Variants in RALYL observed in about 807,000 individuals in gnomAD.
RALYL encodes RALY RNA binding protein like.
RALYL carries 29 observed loss-of-function variants against 35.1 expected under a neutral mutation model. The observed-to-expected ratio is 0.83, with a 90% CI of 0.61 to 1.13. The LOEUF (loss-of-function observed/expected upper bound fraction) is 1.13, where lower values mean the gene tolerates loss of function less well. Ranked by LOEUF, RALYL falls within the 50% of genes most tolerant of loss-of-function variation. The probability of loss-of-function intolerance (pLI) is 0.00; values close to 1 mark genes in which losing one functional copy is unlikely to be tolerated. For synonymous variants in RALYL, 120 were observed against 127.6 expected, an observed-to-expected ratio of 0.94 and a Z score of 0.40; for missense variants, 359 against 360.4, an observed-to-expected ratio of 1.00 and a Z score of 0.03.
At chr8:84,255,655 A>T (rs1373319667) in intron 1 of RALYL, among the ~76,000 whole-genome samples, 1 of 152,038 alleles carries the variant, frequency 6.6e-6, no homozygotes, top group East Asian at 1.9e-4. Context: ...TGCCCTGTTT[A>T]TCTTTCTATT....
intron 2 of RALYL, among the ~76,000 whole-genome samples, chr8:84,685,766 CA>C (rs1836635857): frequency 6.6e-6 from 1 of 152,040 alleles, no homozygotes; most frequent in East Asian, 1.9e-4. Flanking sequence ...ATGAAAATGA[CA>C]ATGTTTGTGT....
At chr8:84,184,810 G>T (rs968277669) in intron 1 of RALYL, 28 of 635,648 alleles carry the variant, frequency 4.4e-5, no homozygotes, top group Non-Finnish European at 1.4e-5. Context: ...GGCCGTGTAC[G>T]TGGCGCTGGC....
intron 3 of RALYL, among the ~76,000 whole-genome samples, chr8:84,777,252 T>G (rs1817052367): frequency 6.6e-6 from 1 of 152,182 alleles, no homozygotes; most frequent in Admixed American, 6.5e-5. Context: ...ACCACTAGAT[T>G]ATAGCTCCCT....
At chr8:84,228,063 A>T (rs1400673679) in intron 1 of RALYL, among the ~76,000 whole-genome samples, 2 of 151,936 alleles carry the variant, frequency 1.3e-5, no homozygotes, top group Non-Finnish European at 2.9e-5. Flanking sequence ...TAAGGGAGTG[A>T]ATTGAAGAGA....
chr8:84,857,527 C>A (rs1837295605), intron 5 of RALYL, among the ~76,000 whole-genome samples: 1 of 152,090 alleles, frequency 6.6e-6, no homozygotes, highest in Non-Finnish European at 1.5e-5. Flanking sequence ...TTTTCAGTTT[C>A]TTTTCTTGTG....
intron 1 of RALYL, among the ~76,000 whole-genome samples, chr8:84,200,718 C>T (rs914946749): frequency 2.0e-5 from 3 of 151,960 alleles, no homozygotes; most frequent in African/African-American, 7.2e-5. Context: ...GTTTCTTGGG[C>T]TATTTTGCAA....
At chr8:84,329,577 T>G (rs1846436049) in intron 1 of RALYL, among the ~76,000 whole-genome samples, 1 of 152,150 alleles carries the variant, frequency 6.6e-6, no homozygotes, top group Non-Finnish European at 1.5e-5. Flanking sequence ...ATTGATAGTT[T>G]CTTTTGCTGT....
intron 2 of RALYL, among the ~76,000 whole-genome samples, chr8:84,728,809 G>C (rs1437665783): frequency 6.6e-6 from 1 of 152,042 alleles, no homozygotes; most frequent in Non-Finnish European, 1.5e-5. Flanking sequence ...ATTTCTGAGG[G>C]CTCTGTTCTG....
At chr8:84,461,637 G>A (rs941632174) in intron 1 of RALYL, among the ~76,000 whole-genome samples, 25 of 151,690 alleles carry the variant, frequency 1.6e-4, no homozygotes, top group Admixed American at 1.6e-3. Context: ...TCTATTAAAT[G>A]TATGGTCATG....
chr8:84,805,408 G>T (rs1824352376), intron 4 of RALYL, among the ~76,000 whole-genome samples: 1 of 152,076 alleles, frequency 6.6e-6, no homozygotes, highest in African/African-American at 2.4e-5. Context: ...TATATTGTTG[G>T]CCAGGCGCGG....
At chr8:84,592,003 C>T (rs962956506) in intron 2 of RALYL, among the ~76,000 whole-genome samples, 2 of 152,178 alleles carry the variant, frequency 1.3e-5, no homozygotes, top group East Asian at 1.9e-4. Flanking sequence ...TGTACTATAG[C>T]TCTTTTATAT....
At chr8:84,897,038 A>AT (rs1844877367) in intron 8 of RALYL, among the ~76,000 whole-genome samples, 2 of 152,190 alleles carry the variant, frequency 1.3e-5, no homozygotes, top group South Asian at 4.1e-4. Context: ...CCTGTATTTT[A>AT]TCTGGCACCC....
chr8:84,625,598 C>A (rs1189074794), intron 2 of RALYL, among the ~76,000 whole-genome samples: 2 of 152,034 alleles, frequency 1.3e-5, no homozygotes, highest in Non-Finnish European at 2.9e-5. Flanking sequence ...CATAGAGATC[C>A]CATAAAGTAG....
At chr8:84,376,306 A>G (rs1856902733) in intron 1 of RALYL, among the ~76,000 whole-genome samples, 1 of 151,914 alleles carries the variant, frequency 6.6e-6, no homozygotes, top group Non-Finnish European at 1.5e-5. Context: ...AATTTAGCAG[A>G]TAATACTAAG....
intron 1 of RALYL, among the ~76,000 whole-genome samples, chr8:84,285,151 C>T (rs564189739): frequency 1.4e-4 from 22 of 152,234 alleles, no homozygotes; most frequent in Admixed American, 9.2e-4. Context: ...ATGGATGCTG[C>T]GCTAATGCCA....
At chr8:84,823,216 C>T (rs959231527) in intron 4 of RALYL, among the ~76,000 whole-genome samples, 16 of 152,238 alleles carry the variant, frequency 1.1e-4, no homozygotes, top group African/African-American at 3.8e-4. Context: ...TGGTTCTTTA[C>T]TGCAATAAGC....
At chr8:84,370,816 G>A (rs1465931717) in intron 1 of RALYL, among the ~76,000 whole-genome samples, 1 of 152,030 alleles carries the variant, frequency 6.6e-6, no homozygotes, top group Non-Finnish European at 1.5e-5. Context: ...GTGGAAGCAG[G>A]AGGTGAGGGT....
intron 2 of RALYL, among the ~76,000 whole-genome samples, chr8:84,564,900 A>T (rs2061681765): frequency 6.6e-6 from 1 of 151,696 alleles, no homozygotes; most frequent in Admixed American, 6.6e-5. Context: ...TAAAAAGCTC[A>T]TATAAAATAC....
chr8:84,297,297 A>C (rs757331363), intron 1 of RALYL, among the ~76,000 whole-genome samples: 6 of 152,064 alleles, frequency 3.9e-5, no homozygotes, highest in Non-Finnish European at 7.4e-5. Context: ...ATAAGTGAGA[A>C]TATGTGGTAT....
Sources: gnomAD v4.1 joint callset for allele counts (sites outside exome capture counted in the v4.1 genomes callset) on GRCh38, gnomAD v4.1.1 for gene constraint, MANE v1.5 for transcripts, NCBI Gene and HGNC (gene_info 2026-07-23, HGNC 2026-07-21) for gene names.